The following DRP2 variants were observed in gnomAD, a reference collection of about 807,000 sequenced individuals.
DRP2 encodes the protein dystrophin-related protein 2.
In DRP2, 29 loss-of-function variants were observed where a neutral mutation model predicts 78.2. The observed-to-expected ratio is 0.37, with a 90% confidence interval of 0.28 to 0.51. The LOEUF (loss-of-function observed/expected upper bound fraction) is 0.51, where lower values mean the gene tolerates loss of function less well. DRP2 is among the 20% of genes least tolerant of loss of function. DRP2 has a pLI of 0.94. For missense variants in DRP2, 686 were observed against 770.6 expected (o/e 0.89, Z 1.30); for synonymous variants, 290 against 281.9 (o/e 1.03, Z -0.29).
intron 19 of DRP2, 49 bp from the exon 20 acceptor site, chrX:101,255,135 G>C (rs1223795430): frequency 8.6e-7 from 1 of 1,164,229 alleles, no homozygotes; most frequent in Non-Finnish European, 1.2e-6. Flanking sequence ...TGAGATGGAA[G>C]CAGGCCCCAC....
intron 23 of DRP2, 70 bp downstream of exon 23, chrX:101,260,239 G>T: frequency 8.6e-7 from 1 of 1,168,782 alleles, no homozygotes; most frequent in Non-Finnish European, 1.2e-6. Flanking sequence ...CCTGCCCAAG[G>T]CTTTGCGGGG....
intron 7 of DRP2, 128 bp from the exon 8 acceptor site, chrX:101,242,197 A>G (rs1922756368): frequency 1.0e-6 from 1 of 1,003,954 alleles, no homozygotes; most frequent in Admixed American, 2.8e-5. Flanking sequence ...TGGTTGCCCT[A>G]ATAGGCAAGC....
intron 2 of DRP2, among the ~76,000 whole-genome samples, chrX:101,228,082 A>G (rs1185204843): frequency 8.9e-6 from 1 of 112,437 alleles, no homozygotes; most frequent in Non-Finnish European, 1.9e-5. Context: ...CATACTGTGG[A>G]CAAGTGTGCT....
At chrX:101,251,660 T>C (rs1165560074) in intron 16 of DRP2, 2 of 112,253 alleles carry the variant, frequency 1.8e-5, no homozygotes, top group Non-Finnish European at 3.8e-5. Flanking sequence ...ATTTATTTAA[T>C]TGTGAGTTTA....
rs1010898766 is a variant in DRP2, at chrX:101,260,052, C to T, written c.2632C>T (p.Pro878Ser). Residue 878 changes from proline (P) to serine (S), a missense_variant, in exon 23 of 24, where the codon CCC becomes TCC. Around this residue, in one of 2 missense-constraint regions of DRP2, gnomAD observed 423 missense variants for 531.5 expected, o/e 0.80. Coordinates refer to ENST00000395209, the MANE Select transcript of DRP2 (RefSeq NM_001939.3). ...QRLRELLLQP[P>S]TESDGSGSAG... Reference sequence around the variant, plus strand: ...GTCATGCCTTACCTCTTGCTAGCCACCCACCGAATCAGATGGCAGTGGCTC... The same window carrying T: ...GTCATGCCTTACCTCTTGCTAGCCATCCACCGAATCAGATGGCAGTGGCTC... The T allele has an allele frequency of 2.3e-5, 28 of 1,209,446 alleles. No individual in the cohort carries two copies. The highest frequency in any genetic ancestry group is 3.0e-5 in the Non-Finnish European group (27 of 895,050).
At chrX:101,250,601 T>G (rs1602930473) in intron 15 of DRP2, 21 bp downstream of exon 15, 16 of 1,152,770 alleles carry the variant, frequency 1.4e-5, no homozygotes, top group African/African-American at 1.1e-4. Flanking sequence ...AACTGGGGAG[T>G]GGGGGAGGGA....
At chrX:101,236,080 C>T in intron 4 of DRP2, 57 bp downstream of exon 4, 1 of 1,155,631 alleles carries the variant, frequency 8.7e-7, no homozygotes, top group Non-Finnish European at 1.2e-6. Flanking sequence ...CCTTTTGCTG[C>T]TGCACCCTGT....
chrX:101,237,911 GT>G, intron 5 of DRP2, 136 bp downstream of exon 5: 1 of 635,440 alleles, frequency 1.6e-6, no homozygotes. Flanking sequence ...CTATTAGTCT[GT>G]GGCTAGCATG....
At chrX:101,259,260 A>G (rs1400435628) in intron 22 of DRP2, among the ~76,000 whole-genome samples, 3 of 111,575 alleles carry the variant, frequency 2.7e-5, no homozygotes, top group Non-Finnish European at 5.6e-5. Context: ...CATAAATGTT[A>G]CCTATTATTG....
At chrX:101,247,025 G>T in intron 11 of DRP2, 65 bp from the exon 12 acceptor site, 1 of 1,049,260 alleles carries the variant, frequency 9.5e-7, no homozygotes, top group Non-Finnish European at 1.3e-6. Context: ...GTGTAAAATG[G>T]TATCTTGTTG....
Position 101,248,497 on chromosome X carries a change from C to T in DRP2, c.1455-17C>T, listed in dbSNP as rs1923011636. On this transcript the variant is annotated splice_polypyrimidine_tract_variant and intron_variant, in intron 13 of 23. Coordinates refer to ENST00000395209, the MANE Select transcript of DRP2 (RefSeq NM_001939.3). ...TTACATACATTCATATTCTCAGTCT[C>T]TTCTTTTTAAACCTAGTGGTCGCAG... 1.7e-6 allele frequency: 2 copies of T among 1,207,247 alleles called. No individual in the cohort carries two copies. Among genetic ancestry groups the T allele is most frequent in the Non-Finnish European group, 2.2e-6 (2 of 891,849 alleles).
intron 21 of DRP2, among the ~76,000 whole-genome samples, chrX:101,257,347 G>A (rs1385805907): frequency 9.8e-6 from 1 of 102,119 alleles, no homozygotes; most frequent in Non-Finnish European, 2.0e-5. Flanking sequence ...GGAGTAGCAA[G>A]TCTTTAGAAC....
At chrX:101,223,642 G>A (rs1249146868) in intron 1 of DRP2, among the ~76,000 whole-genome samples, 2 of 112,532 alleles carry the variant, frequency 1.8e-5, no homozygotes. Context: ...CACCATCAGT[G>A]TATAAAGGTT....
intron 5 of DRP2, 78 bp from the exon 6 acceptor site, chrX:101,238,903 G>T (rs1922605039): frequency 1.8e-6 from 2 of 1,116,106 alleles, no homozygotes; most frequent in East Asian, 6.1e-5. Flanking sequence ...GAAGAAGAAA[G>T]GTTGTCAATT....
chrX:101,255,137 AG>A, intron 19 of DRP2, 46 bp from the exon 20 acceptor site: 1 of 1,166,973 alleles, frequency 8.6e-7, no homozygotes, highest in Non-Finnish European at 1.2e-6. Flanking sequence ...AGATGGAAGC[AG>A]GCCCCACATC....
At chrX:101,246,519 GT>G (rs1381541698) in intron 11 of DRP2, among the ~76,000 whole-genome samples, 1 of 112,300 alleles carries the variant, frequency 8.9e-6, no homozygotes, top group Non-Finnish European at 1.9e-5. Flanking sequence ...CTGCTGAGGA[GT>G]TTCTTATATG....
chrX:101,247,387 G>A (rs1922969662), intron 12 of DRP2, among the ~76,000 whole-genome samples: 1 of 111,605 alleles, frequency 9.0e-6, no homozygotes, highest in Admixed American at 9.5e-5. Context: ...CCACTGTTAT[G>A]CTCCTCCTTG....
chrX:101,239,010 C>T lies in DRP2; in HGVS notation c.468C>T (p.Gly156=), dbSNP rs918973376. 1.7e-6 allele frequency: 2 copies of T among 1,211,021 alleles called. No individual in the cohort carries two copies. The highest frequency in any genetic ancestry group is 1.1e-6 in the Non-Finnish European group (1 of 895,171). Residue 156 remains glycine, a synonymous_variant, in exon 6 of 24, where the codon GGC becomes GGT. Transcript: ENST00000395209. The part of the protein sequence containing the change: ...AAFMEEVKSR[G]PYIYSVLESA... Reference sequence around the variant, plus strand: ...TTATGGAAGAAGTCAAGTCTCGGGGCCCCTACATCTATTCTGTGCTGGAGT... The same window carrying T: ...TTATGGAAGAAGTCAAGTCTCGGGGTCCCTACATCTATTCTGTGCTGGAGT...
chrX:101,232,509 T>C (rs1384758781), intron 3 of DRP2, among the ~76,000 whole-genome samples: 1 of 111,173 alleles, frequency 9.0e-6, no homozygotes, highest in Non-Finnish European at 1.9e-5. Context: ...GCTGCAGTGC[T>C]GAGTCACTGC....
Sources: allele counts gnomAD v4.1 joint callset (sites outside exome capture counted in the v4.1 genomes callset), GRCh38; gene constraint gnomAD v4.1.1; regional missense constraint gnomAD v4.1.1; transcripts MANE v1.5; gene names NCBI Gene and HGNC (gene_info 2026-07-23, HGNC 2026-07-21).